Variants in EGLN1 observed in about 807,000 individuals in gnomAD.
EGLN1 encodes egl nine homolog 1.
Under a neutral mutation model 38.3 loss-of-function variants are expected in EGLN1, and 17 were observed. The observed-to-expected ratio is 0.44, with a 90% CI of 0.30 to 0.67. The LOEUF (loss-of-function observed/expected upper bound fraction) is 0.67. Among genes scored for constraint, EGLN1 ranks in the 30% least tolerant of loss-of-function variants. EGLN1 has a pLI of 0.08. For synonymous variants in EGLN1, 283 were observed against 257.5 expected (o/e 1.10, Z -0.95); for missense variants, 477 against 603.3 (o/e 0.79, Z 2.19).
At chr1:231,418,718 C>A (rs1656427611) in intron 1 of EGLN1, among the ~76,000 whole-genome samples, 1 of 151,784 alleles carries the variant, frequency 6.6e-6, no homozygotes, top group African/African-American at 2.4e-5. Flanking sequence ...TTTCATTTGG[C>A]CAAGTATGGT....
rs1687626911 is a variant in EGLN1, at chr1:231,365,677, G to A, written c.*734C>T. ...ACAAAAAAATTTAAACTCTTCTTGT[G>A]TCTTTTTCCTTGTAAAACATTAACT... On this transcript the variant is annotated 3_prime_UTR_variant, in exon 5 of 5. Coordinates refer to ENST00000366641, the MANE Select transcript of EGLN1 (RefSeq NM_022051.3). 1 of 152,204 alleles carries A rather than the reference G, an allele frequency of 6.6e-6. No individual in the cohort carries two copies. The highest frequency in any genetic ancestry group is 2.4e-5 in the African/African-American group (1 of 41,408). The allele number at this position is 152,204 out of a possible 1,614,324, so 9.4% of individuals were successfully genotyped here. A position where few individuals can be genotyped will look rare whatever the true frequency, so the allele number is the denominator to read the frequency against.
intron 1 of EGLN1, among the ~76,000 whole-genome samples, chr1:231,388,179 T>A (rs753239316): frequency 6.6e-6 from 1 of 152,112 alleles, no homozygotes; most frequent in South Asian, 2.1e-4. Context: ...GTACCACTGC[T>A]AAAGGATATG....
chr1:231,402,240 C>A (rs887018884), intron 1 of EGLN1, among the ~76,000 whole-genome samples: 1 of 152,040 alleles, frequency 6.6e-6, no homozygotes, highest in African/African-American at 2.4e-5. Flanking sequence ...TATTTTCTCT[C>A]AAAAGGGTTT....
chr1:231,420,972 A>G (rs1403621949), intron 1 of EGLN1, 26 bp downstream of exon 1: 3 of 1,613,224 alleles, frequency 1.9e-6, no homozygotes, highest in African/African-American at 2.7e-5. Context: ...GGGCCTGTCC[A>G]GCACAAACCC....
intron 1 of EGLN1, among the ~76,000 whole-genome samples, chr1:231,391,326 G>C (rs1235546708): frequency 6.6e-6 from 1 of 152,028 alleles, no homozygotes; most frequent in Non-Finnish European, 1.5e-5. Context: ...CCATAAGGCA[G>C]TGCTTCTGAT....
chr1:231,413,662 G>C (rs1374952261), intron 1 of EGLN1, among the ~76,000 whole-genome samples: 2 of 152,090 alleles, frequency 1.3e-5, no homozygotes, highest in African/African-American at 4.8e-5. Context: ...CCATGAGAAG[G>C]GGGGCTTTTT....
chr1:231,376,328 A>G (rs974163745), intron 1 of EGLN1, among the ~76,000 whole-genome samples: 1 of 152,194 alleles, frequency 6.6e-6, no homozygotes, highest in Non-Finnish European at 1.5e-5. Context: ...TCCACACTGT[A>G]GATGCTATCC....
chr1:231,422,204 GGCCGCCGCCGCCGCCTCAGCGTC>G lies in EGLN1; in HGVS notation c.-339_-317del, dbSNP rs1656659637. 2 of 196,798 alleles carry G rather than the reference GGCCGCCGCCGCCGCCTCAGCGTC, an allele frequency of 1.0e-5. No individual in the cohort carries two copies. Among genetic ancestry groups the G allele is most frequent in the African/African-American group, 4.7e-5 (2 of 42,756 alleles). The allele number at this position is 196,798 out of a possible 1,614,324, so 12.2% of individuals were successfully genotyped here. A position where few individuals can be genotyped will look rare whatever the true frequency, so the allele number is the denominator to read the frequency against. On this transcript the variant is annotated 5_prime_UTR_variant, in exon 1 of 5. The change abolishes the stop of an existing upstream ORF in the 5' untranslated region. Transcript: ENST00000366641. ...TGGGGAGCGCAAGACCGGCCCCCTC[GGCCGCCGCCGCCGCCTCAGCGTC>G]CCGGGCGGCCCGGCCCAGGCTGTGG... is the stretch of plus-strand genomic sequence containing the variant.
intron 1 of EGLN1, among the ~76,000 whole-genome samples, chr1:231,376,270 A>G (rs1687955920): frequency 6.6e-6 from 1 of 152,228 alleles, no homozygotes; most frequent in African/African-American, 2.4e-5. Context: ...AATACCTTGC[A>G]GTCCTGCCCC....
At chr1:231,398,202 TA>T (rs1688579547) in intron 1 of EGLN1, among the ~76,000 whole-genome samples, 1 of 152,220 alleles carries the variant, frequency 6.6e-6, no homozygotes, top group Admixed American at 6.5e-5. Flanking sequence ...TTGCAGTCAA[TA>T]TCTCAAAAAG....
intron 1 of EGLN1, among the ~76,000 whole-genome samples, chr1:231,401,295 T>C (rs186995529): frequency 8.5e-5 from 13 of 152,250 alleles, no homozygotes; most frequent in Admixed American, 5.2e-4. Context: ...ATGAGGAAAA[T>C]AGTAATGACC....
chr1:231,400,173 T>C (rs537152863), intron 1 of EGLN1, among the ~76,000 whole-genome samples: 38 of 152,186 alleles, frequency 2.5e-4, no homozygotes, highest in African/African-American at 8.4e-4. Flanking sequence ...ATCTGAGATA[T>C]AGGATGTAAC....
intron 2 of EGLN1, among the ~76,000 whole-genome samples, chr1:231,371,243 TAA>T (rs1558378421): frequency 1.3e-5 from 2 of 152,226 alleles, no homozygotes; most frequent in Non-Finnish European, 2.9e-5. Flanking sequence ...TATCTGAATT[TAA>T]AAGTCTTAAA....
Position 231,422,030 on chromosome 1 carries a change from G to A in EGLN1, c.-142C>T. 2 of 933,430 alleles carry A rather than the reference G, an allele frequency of 2.1e-6. No individual in the cohort carries two copies. The highest frequency in any genetic ancestry group is 1.4e-6 in the Non-Finnish European group (1 of 701,518). 57.8% of individuals were successfully genotyped at this position (933,430 alleles called of 1,614,324 possible). On this transcript the variant is annotated 5_prime_UTR_variant, in exon 1 of 5. Transcript: ENST00000366641. ...GCACCCGCTACCCTCGCCTCAGGGAGGCCGGCACCCCACGCCCTCGGCCCG... is the reference window on the plus strand; with the variant it reads ...GCACCCGCTACCCTCGCCTCAGGGAAGCCGGCACCCCACGCCCTCGGCCCG...
At chr1:231,391,637 C>G (rs190721667) in intron 1 of EGLN1, among the ~76,000 whole-genome samples, 1 of 152,102 alleles carries the variant, frequency 6.6e-6, no homozygotes, top group Admixed American at 6.5e-5. Flanking sequence ...GCTTAAAATA[C>G]GCATCTTAAA....
chr1:231,420,719 T>C (rs181597442), intron 1 of EGLN1, among the ~76,000 whole-genome samples: 9 of 151,288 alleles, frequency 5.9e-5, no homozygotes, highest in East Asian at 3.9e-4. Context: ...AAAAAGAAAA[T>C]AGGAAAGTTA....
At chr1:231,400,277 T>G (rs1688630820) in intron 1 of EGLN1, among the ~76,000 whole-genome samples, 2 of 145,622 alleles carry the variant, frequency 1.4e-5, no homozygotes, top group South Asian at 4.5e-4. Flanking sequence ...GTCTTTAAAT[T>G]TTTTATTTTC....
chr1:231,421,796 C>G lies in EGLN1; in HGVS notation c.93G>C (p.Leu31=). 1 of 1,559,814 alleles carries G rather than the reference C, an allele frequency of 6.4e-7. No homozygotes were observed. Among genetic ancestry groups the G allele is most frequent in the South Asian group, 1.2e-5 (1 of 86,506 alleles). ...CELCGKMENL[L]RCSRCRSSFY... is the part of the protein sequence containing the mutation. ...AGGAGCTGCGGCAGCGGCTGCAGCG[C>G]AGCAGGTTCTCCATCTTCCCGCACA... Residue 31 remains leucine, a synonymous_variant, in exon 1 of 5, where the codon CTG becomes CTC. Coordinates refer to ENST00000366641, the MANE Select transcript of EGLN1 (RefSeq NM_022051.3). This position sits in a 1 kb window ranked among gnomAD's most constrained non-coding sequence, Gnocchi z 5.5.
chr1:231,387,583 T>C (rs1688254512), intron 1 of EGLN1, among the ~76,000 whole-genome samples: 1 of 152,154 alleles, frequency 6.6e-6, no homozygotes, highest in South Asian at 2.1e-4. Context: ...ATGGTCTCGA[T>C]CTCCTGACCT....
Sources: gnomAD v4.1 joint callset for allele counts (sites outside exome capture counted in the v4.1 genomes callset) on GRCh38, gnomAD v4.1.1 for gene constraint, Gnocchi (gnomAD v3.1) non-coding constraint, MANE v1.5 for transcripts, NCBI Gene and HGNC (gene_info 2026-07-23, HGNC 2026-07-21) for gene names.